RNF212B: variants seen among roughly 807,000 people sequenced by gnomAD.
RNF212B encodes the protein ring finger protein 212B, also known as E3 ubiquitin-protein ligase RNF212B.
Under a neutral mutation model 55.5 loss-of-function variants are expected in RNF212B, and 52 were observed. That is an observed-to-expected ratio of 0.94 (90% CI 0.75 to 1.18). The LOEUF is 1.18. RNF212B is among the 50% of genes most tolerant of loss of function. RNF212B has a pLI of 0.00. For missense variants in RNF212B, 289 were observed against 350.4 expected (o/e 0.82, Z 1.40); for synonymous variants, 99 against 121.4 (o/e 0.82, Z 1.21).
At chr14:23,195,819 C>T (rs2140361044) in intron 2 of RNF212B, among the ~76,000 whole-genome samples, 1 of 152,252 alleles carries the variant, frequency 6.6e-6, no homozygotes, top group South Asian at 2.1e-4. Context: ...GTTTAACCTT[C>T]CAAACAACCT....
At chr14:23,205,595 G>A (rs1321543879) in intron 2 of RNF212B, among the ~76,000 whole-genome samples, 1 of 152,142 alleles carries the variant, frequency 6.6e-6, no homozygotes, top group Non-Finnish European at 1.5e-5. Context: ...ACTCCATATT[G>A]CTCTTAACCT....
At chr14:23,191,438 ATTTGTTTG>A in intron 1 of RNF212B, among the ~76,000 whole-genome samples, 5 of 151,654 alleles carry the variant, frequency 3.3e-5, no homozygotes, top group Admixed American at 3.3e-4. Context: ...ACTTAACATA[ATTTGTTTG>A]TTTGTTTGTT....
intron 2 of RNF212B, among the ~76,000 whole-genome samples, chr14:23,201,971 C>T (rs1879331515): frequency 6.6e-6 from 1 of 152,056 alleles, no homozygotes; most frequent in Non-Finnish European, 1.5e-5. Flanking sequence ...GAGTTGGAGG[C>T]CGGGCACAGT....
chr14:23,226,126 C>T (rs552495558), intron 2 of RNF212B, among the ~76,000 whole-genome samples: 245 of 149,772 alleles, frequency 1.6e-3, no homozygotes, highest in African/African-American at 5.6e-3. Context: ...GGTGAAACCC[C>T]GTCTGTACTA....
At chr14:23,246,091 T>A (rs1237796858) in intron 4 of RNF212B, among the ~76,000 whole-genome samples, 1 of 152,122 alleles carries the variant, frequency 6.6e-6, no homozygotes, top group Non-Finnish European at 1.5e-5. Flanking sequence ...TCTGAGGGAC[T>A]GGAGAACCTC....
rs1886256697 is a variant in RNF212B at position 23,273,442 on chromosome 14, T to C, written c.*551T>C. 6.6e-6 allele frequency: 1 copy of C among 152,294 alleles called. No homozygotes were observed. Among genetic ancestry groups the C allele is most frequent in the South Asian group, 2.1e-4 (1 of 4,840 alleles). 9.4% of individuals were successfully genotyped at this position (152,294 alleles called of 1,614,324 possible). A position where few individuals can be genotyped will look rare whatever the true frequency, so the allele number is the denominator to read the frequency against. On this transcript the variant is annotated 3_prime_UTR_variant, in exon 15 of 15. Coordinates refer to ENST00000430154, the MANE Select transcript of RNF212B (RefSeq NM_001282322.3). ...ACTGATTTTCAGCTTAGTATATAGATAGTAAAATAAAGACGATGCCCTTTT... is the reference window on the plus strand; with the variant it reads ...ACTGATTTTCAGCTTAGTATATAGACAGTAAAATAAAGACGATGCCCTTTT...
At chr14:23,249,237 T>A (rs1400654579) in intron 4 of RNF212B, among the ~76,000 whole-genome samples, 1 of 152,210 alleles carries the variant, frequency 6.6e-6, no homozygotes, top group Non-Finnish European at 1.5e-5. Context: ...TCTCCATCCC[T>A]CAGCTGAATT....
intron 2 of RNF212B, among the ~76,000 whole-genome samples, chr14:23,242,908 G>T (rs1392956389): frequency 6.9e-6 from 1 of 145,390 alleles, no homozygotes; most frequent in Non-Finnish European, 1.5e-5. Context: ...GAGCCCGGGA[G>T]GTTGAGGCTG....
intron 2 of RNF212B, among the ~76,000 whole-genome samples, chr14:23,229,261 T>TACAC (rs1555314105): frequency 1.8e-4 from 23 of 127,178 alleles, no homozygotes; most frequent in African/African-American, 3.1e-4. Flanking sequence ...TATATATATA[T>TACAC]ACCACATTGT....
chr14:23,237,746 G>A (rs1883218955), upstream of RNF212B, among the ~76,000 whole-genome samples: 1 of 152,158 alleles, frequency 6.6e-6, no homozygotes, highest in Non-Finnish European at 1.5e-5. Flanking sequence ...TTTTAAGTGA[G>A]GTGAATTTTC....
chr14:23,268,844 C>T (rs1885872636), intron 11 of RNF212B, 80 bp from the exon 12 acceptor site: 4 of 1,213,642 alleles, frequency 3.3e-6, no homozygotes, highest in Non-Finnish European at 4.8e-6. Flanking sequence ...TCTCCATTTC[C>T]TTTGCCCTGG....
chr14:23,272,771 C>A (rs1886202037), intron 14 of RNF212B, 52 bp from the exon 15 acceptor site: 3 of 1,151,566 alleles, frequency 2.6e-6, no homozygotes, highest in South Asian at 1.3e-5. Context: ...GACTTGCTTG[C>A]CCTTTTTGCT....
rs372899002 is a variant in RNF212B at position 23,232,561 on chromosome 14, C to T, written c.-1-7784C>T. On this transcript the variant is annotated intron_variant, in intron 2 of 15. Coordinates refer to the RNF212B transcript ENST00000399910. ...CTCTGGGAGGGAGGTGGGGGTCAGCCCCCGCCCAGCAGCCACCCCGTCCGG... is the reference window on the plus strand; with the variant it reads ...CTCTGGGAGGGAGGTGGGGGTCAGCTCCCGCCCAGCAGCCACCCCGTCCGG... 4.4e-4 allele frequency among the ~76,000 whole-genome samples: 67 copies of T among 151,314 alleles called. No homozygotes were observed. In the East Asian group the frequency reaches 8.9e-3, roughly 20 times the overall value.
chr14:23,187,333 A>T (rs1877696508), intron 1 of RNF212B, among the ~76,000 whole-genome samples: 1 of 152,020 alleles, frequency 6.6e-6, no homozygotes, highest in Non-Finnish European at 1.5e-5. Flanking sequence ...CCACGCAGTC[A>T]TGTTCTAATA....
At chr14:23,218,700 AT>A (rs1397386559) in intron 2 of RNF212B, among the ~76,000 whole-genome samples, 2 of 152,204 alleles carry the variant, frequency 1.3e-5, no homozygotes, top group African/African-American at 4.8e-5. Flanking sequence ...AAAAGGGCAA[AT>A]GTGAGTTATT....
Position 23,189,573 on chromosome 14 carries a change from C to T in RNF212B, c.-78-3752C>T, listed in dbSNP as rs140463391. ...ATCCCATCACTTTGGGAGGCCAAGGCGGGAGGATCGCTTGAGTCCAGGAAT... is the reference window on the plus strand; with the variant it reads ...ATCCCATCACTTTGGGAGGCCAAGGTGGGAGGATCGCTTGAGTCCAGGAAT... On this transcript the variant is annotated intron_variant, in intron 1 of 15. Coordinates refer to the RNF212B transcript ENST00000399910. Among the ~76,000 whole-genome samples, 1,136 of 151,970 alleles carry T rather than the reference C, an allele frequency of 7.5e-3. 13 individuals are homozygous for T. Among genetic ancestry groups the T allele is most frequent in the African/African-American group, 0.024 (982 of 41,450 alleles).
At chr14:23,239,483 A>AT (rs1348324910) in intron 1 of RNF212B, among the ~76,000 whole-genome samples, 23 of 152,178 alleles carry the variant, frequency 1.5e-4, no homozygotes, top group African/African-American at 5.3e-4. Context: ...CAAGTGGCTA[A>AT]TATGTGATCT....
intron 4 of RNF212B, among the ~76,000 whole-genome samples, chr14:23,256,436 A>G (rs957631906): frequency 2.6e-5 from 4 of 151,552 alleles, no homozygotes; most frequent in Non-Finnish European, 5.9e-5. Flanking sequence ...CAGTGGTGCA[A>G]TCTTGGCTCA....
intron 2 of RNF212B, among the ~76,000 whole-genome samples, chr14:23,229,572 G>T (rs761043294): frequency 9.9e-5 from 15 of 151,894 alleles, no homozygotes; most frequent in Non-Finnish European, 1.8e-4. Context: ...GAAAATTCTA[G>T]CCACCCCACC....
Sources: allele counts gnomAD v4.1 joint callset (sites outside exome capture counted in the v4.1 genomes callset), GRCh38; gene constraint gnomAD v4.1.1; transcripts MANE v1.5; gene names NCBI Gene and HGNC (gene_info 2026-07-23, HGNC 2026-07-21).